The following SLCO6A1 variants were observed in gnomAD, a reference collection of about 807,000 sequenced individuals.
SLCO6A1 encodes the protein cancer/testis antigen 48.
SLCO6A1 carries 65 observed loss-of-function variants against 72.7 expected under a neutral mutation model. The observed-to-expected ratio is 0.89, with a 90% CI of 0.73 to 1.10. The LOEUF (loss-of-function observed/expected upper bound fraction) is 1.10, where lower values mean the gene tolerates loss of function less well. Ranked by LOEUF, SLCO6A1 falls within the 50% of genes least tolerant of loss-of-function variation. The pLI is 0.00. For missense variants in SLCO6A1, 874 were observed against 872.6 expected (o/e 1.00, Z -0.02); for synonymous variants, 314 against 298.2 (o/e 1.05, Z -0.55).
intron 7 of SLCO6A1, among the ~76,000 whole-genome samples, chr5:102,437,127 T>A (rs1040610949): frequency 2.0e-5 from 3 of 152,134 alleles, no homozygotes; most frequent in Non-Finnish European, 4.4e-5. Context: ...GTAATACAAT[T>A]AGAAACTATA....
chr5:102,388,936 C>G (rs889751250), intron 11 of SLCO6A1, 111 bp from the exon 12 acceptor site: 3 of 925,630 alleles, frequency 3.2e-6, no homozygotes, highest in Non-Finnish European at 4.7e-6. Flanking sequence ...CAAAACATAT[C>G]ACTTAAAATT....
intron 1 of SLCO6A1, among the ~76,000 whole-genome samples, chr5:102,494,795 C>T (rs574341840): frequency 8.6e-4 from 131 of 152,268 alleles, no homozygotes; most frequent in Middle Eastern, 3.4e-3. Context: ...ATATTGCTGA[C>T]GGGCAGGATC....
chr5:102,484,075 G>A lies in SLCO6A1; in HGVS notation c.359-3641C>T, dbSNP rs74471180. ...TGTAAACTTTTCAATGCAGTTAAAG[G>A]TTCCACCACAAGAGTCAATTGCAGC... is the stretch of plus-strand genomic sequence containing the variant. On this transcript the variant is annotated intron_variant, in intron 1 of 13. Transcript: ENST00000506729. Among the ~76,000 whole-genome samples the A allele has an allele frequency of 5.9e-5, 9 of 152,098 alleles. No homozygotes were observed. The East Asian group carries it at 9.6e-4, about 16-fold the overall frequency.
intron 1 of SLCO6A1, among the ~76,000 whole-genome samples, chr5:102,483,357 C>T (rs1752300859): frequency 6.6e-6 from 1 of 152,152 alleles, no homozygotes; most frequent in African/African-American, 2.4e-5. Context: ...CTTTTCAAGG[C>T]CTCCCCTAAG....
chr5:102,381,303 G>A (rs1374228026), intron 12 of SLCO6A1, among the ~76,000 whole-genome samples: 4 of 151,608 alleles, frequency 2.6e-5, no homozygotes. Context: ...TAGATTCCAT[G>A]TATAAGTGAG....
At chr5:102,391,443 T>C (rs1461084120) in intron 10 of SLCO6A1, among the ~76,000 whole-genome samples, 1 of 152,168 alleles carries the variant, frequency 6.6e-6, no homozygotes, top group Admixed American at 6.6e-5. Flanking sequence ...CCTTGCTTTC[T>C]GCCCCGGGAG....
Position 102,498,635 on chromosome 5 carries a change from G to C in SLCO6A1, c.210C>G (p.Ala70=), listed in dbSNP as rs771852998. ...CCGGCTTCTTGGAAACTGAGGACTT[G>C]GCTTTTTTCCTTTTTCGGAAACCGC... is the stretch of plus-strand genomic sequence containing the variant. ...RFGGFRKRKK[A]KSSVSKKPGE... The change falls in exon 1 of 14, where the codon GCC becomes GCG. Residue 70 remains alanine, a synonymous_variant. Transcript: ENST00000506729. 14 of 1,614,110 alleles carry C rather than the reference G, an allele frequency of 8.7e-6. No homozygotes were observed. The African/African-American group carries it at 9.3e-5, about 11-fold the overall frequency.
intron 9 of SLCO6A1, among the ~76,000 whole-genome samples, chr5:102,412,134 T>C (rs9986226): frequency 0.65 from 97,264 of 150,532 alleles, 31,663 homozygotes; most frequent in African/African-American, 0.66. Context: ...CTGGAAGCCC[T>C]ACCCCAAAAC....
At chr5:102,421,186 G>T (rs993678650) in intron 7 of SLCO6A1, among the ~76,000 whole-genome samples, 1 of 152,078 alleles carries the variant, frequency 6.6e-6, no homozygotes, top group Non-Finnish European at 1.5e-5. Context: ...CACAAAACTG[G>T]GCTGCCAGTT....
chr5:102,397,149 T>C (rs1189163002), intron 10 of SLCO6A1, among the ~76,000 whole-genome samples: 1 of 152,228 alleles, frequency 6.6e-6, no homozygotes, highest in Admixed American at 6.5e-5. Context: ...ATCTGATACA[T>C]GGTAACTTTT....
At chr5:102,425,071 C>G (rs759074952) in intron 7 of SLCO6A1, among the ~76,000 whole-genome samples, 4 of 152,220 alleles carry the variant, frequency 2.6e-5, no homozygotes, top group African/African-American at 4.8e-5. Context: ...ATTTAACACC[C>G]CTTCATGCTA....
chr5:102,416,052 G>T (rs1252924903), intron 8 of SLCO6A1, among the ~76,000 whole-genome samples: 1 of 152,008 alleles, frequency 6.6e-6, no homozygotes, highest in Non-Finnish European at 1.5e-5. Flanking sequence ...AAAGTTAAAA[G>T]ATAACAGATG....
At chr5:102,490,120 A>G (rs1306253924) in intron 1 of SLCO6A1, among the ~76,000 whole-genome samples, 2 of 152,184 alleles carry the variant, frequency 1.3e-5, no homozygotes. Flanking sequence ...AGGTTGGTCA[A>G]TGAGTACTAA....
chr5:102,401,682 T>C (rs1486041290), intron 9 of SLCO6A1, among the ~76,000 whole-genome samples: 2 of 152,058 alleles, frequency 1.3e-5, no homozygotes, highest in Non-Finnish European at 2.9e-5. Context: ...GGGAAGGACT[T>C]CCTAAGAGAA....
intron 3 of SLCO6A1, among the ~76,000 whole-genome samples, chr5:102,477,462 G>A (rs1751960276): frequency 6.6e-6 from 1 of 152,156 alleles, no homozygotes; most frequent in South Asian, 2.1e-4. Flanking sequence ...TATATTTTCA[G>A]TGACATTCAG....
chr5:102,388,397 G>A (rs1037505937), intron 12 of SLCO6A1, among the ~76,000 whole-genome samples: 1 of 151,632 alleles, frequency 6.6e-6, no homozygotes, highest in African/African-American at 2.4e-5. Flanking sequence ...ACCCAGGCTG[G>A]GACAATGATG....
intron 6 of SLCO6A1, among the ~76,000 whole-genome samples, chr5:102,456,731 T>C (rs1357509601): frequency 6.6e-6 from 1 of 152,188 alleles, no homozygotes; most frequent in Non-Finnish European, 1.5e-5. Context: ...ATGACTTTCT[T>C]CACAGAATTG....
rs551903110 is a variant in SLCO6A1, at chr5:102,438,154, T to A, written c.1276+463A>T. On this transcript the variant is annotated intron_variant, in intron 7 of 13. Transcript: ENST00000506729. ...GGATAATACATAAACAATAGTATAC[T>A]CATAAAATAGGATCATAAAATAAAA... 2.0e-5 allele frequency among the ~76,000 whole-genome samples: 3 copies of A among 152,084 alleles called. No individual in the cohort carries two copies. In the South Asian group the frequency reaches 6.2e-4, roughly 31 times the overall value.
chr5:102,424,657 A>T (rs578059005), intron 7 of SLCO6A1, among the ~76,000 whole-genome samples: 1 of 152,270 alleles, frequency 6.6e-6, no homozygotes, highest in East Asian at 1.9e-4. Context: ...AAAGCCCAGG[A>T]TCAGATGGAT....
Sources: allele counts gnomAD v4.1 joint callset (sites outside exome capture counted in the v4.1 genomes callset), GRCh38; gene constraint gnomAD v4.1.1; transcripts MANE v1.5; gene names NCBI Gene and HGNC (gene_info 2026-07-23, HGNC 2026-07-21).